The following CC2D2B variants were observed in gnomAD, a reference collection of about 807,000 sequenced individuals.
CC2D2B encodes the protein protein CC2D2B.
A neutral mutation model predicts 161.2 loss-of-function variants in CC2D2B; 128 were observed. The ratio of observed to expected loss-of-function variants is 0.79; its 90% CI spans 0.69 to 0.92. The LOEUF (loss-of-function observed/expected upper bound fraction) is 0.92, where lower values mean the gene tolerates loss of function less well. Ranked by LOEUF, CC2D2B falls within the 40% of genes least tolerant of loss-of-function variation. The pLI is 0.00. For synonymous variants in CC2D2B, 391 were observed against 449.8 expected, an observed-to-expected ratio of 0.87 and a Z score of 1.65; for missense variants, 1,173 against 1,375.1, an observed-to-expected ratio of 0.85 and a Z score of 2.32.
At chr10:95,988,799 T>C (rs2077834327) in intron 20 of CC2D2B, among the ~76,000 whole-genome samples, 1 of 152,136 alleles carries the variant, frequency 6.6e-6, no homozygotes, top group Admixed American at 6.5e-5. Context: ...TACAAAACAC[T>C]CTAGCAGAGT....
At chr10:95,945,777 CTTTT>C (rs34209550) in intron 9 of CC2D2B, among the ~76,000 whole-genome samples, 9,479 of 81,074 alleles carry the variant, frequency 0.12, 550 homozygotes, top group African/African-American at 0.26. Flanking sequence ...TAATGTTGGA[CTTTT>C]TTTTTTTTTT....
chr10:95,935,323 A>G (rs1234140345), intron 6 of CC2D2B, among the ~76,000 whole-genome samples: 1 of 152,126 alleles, frequency 6.6e-6, no homozygotes, highest in Non-Finnish European at 1.5e-5. Context: ...CCTTCAAAGT[A>G]TTCCCATATC....
At chr10:95,992,180 T>G (rs1194453037) in intron 21 of CC2D2B, among the ~76,000 whole-genome samples, 2 of 152,196 alleles carry the variant, frequency 1.3e-5, no homozygotes, top group Middle Eastern at 3.2e-3. Context: ...GGATAAAATG[T>G]TAATATTCGG....
At chr10:95,933,919 ATCT>A (rs2075709155) in intron 6 of CC2D2B, among the ~76,000 whole-genome samples, 1 of 152,184 alleles carries the variant, frequency 6.6e-6, no homozygotes, top group Non-Finnish European at 1.5e-5. Flanking sequence ...GTGCTGGAAG[ATCT>A]GCTGCTCTCT....
chr10:96,023,934 C>T (rs956430951), intron 32 of CC2D2B, among the ~76,000 whole-genome samples: 2 of 152,230 alleles, frequency 1.3e-5, no homozygotes, highest in African/African-American at 4.8e-5. Context: ...AACCTAGAGG[C>T]CTATCAAATG....
chr10:95,986,601 A>T (rs2077738344), intron 19 of CC2D2B, among the ~76,000 whole-genome samples: 1 of 151,968 alleles, frequency 6.6e-6, no homozygotes, highest in Non-Finnish European at 1.5e-5. Flanking sequence ...AACAAGATTA[A>T]TTAGTTTTTC....
At chr10:95,967,718 CT>C (rs2076988725) in intron 14 of CC2D2B, among the ~76,000 whole-genome samples, 1 of 152,072 alleles carries the variant, frequency 6.6e-6, no homozygotes, top group African/African-American at 2.4e-5. Flanking sequence ...GAAAGGGTAA[CT>C]TTTACTTAGA....
intron 18 of CC2D2B, 43 bp downstream of exon 18, chr10:95,982,156 C>A: frequency 8.6e-7 from 1 of 1,158,662 alleles, no homozygotes; most frequent in Non-Finnish European, 1.1e-6. Context: ...TATTCTATTT[C>A]CTAAGCTCTA....
chr10:96,007,154 T>C (rs1008601753), intron 25 of CC2D2B, among the ~76,000 whole-genome samples: 2 of 152,146 alleles, frequency 1.3e-5, no homozygotes, highest in Non-Finnish European at 2.9e-5. Context: ...ATTAGCTATT[T>C]TTCCTGATCC....
chr10:95,983,236 T>C (rs922008146), intron 18 of CC2D2B, among the ~76,000 whole-genome samples: 2 of 152,228 alleles, frequency 1.3e-5, no homozygotes, highest in African/African-American at 4.8e-5. Context: ...GCAAGTAAAC[T>C]CCCTAGATTA....
chr10:95,957,287 A>G (rs567675928), intron 11 of CC2D2B, among the ~76,000 whole-genome samples: 1 of 152,248 alleles, frequency 6.6e-6, no homozygotes, highest in African/African-American at 2.4e-5. Context: ...ACTTTTCCCC[A>G]TTGTTGCAAG....
chr10:95,972,996 G>A (rs1022375850), intron 16 of CC2D2B, among the ~76,000 whole-genome samples: 1 of 152,064 alleles, frequency 6.6e-6, no homozygotes, highest in South Asian at 2.1e-4. Flanking sequence ...CCTCTTATAC[G>A]GTTAAATGTA....
At chr10:95,911,178 A>T (rs11188519) in intron 1 of CC2D2B, 123 bp from the exon 2 acceptor site, 51,376 of 192,998 alleles carry the variant, frequency 0.27, 7,391 homozygotes, top group African/African-American at 0.39. Flanking sequence ...AGTAAAAGTG[A>T]TAGTATATCT....
chr10:95,938,262 C>A, intron 7 of CC2D2B, 73 bp downstream of exon 7: 2 of 962,572 alleles, frequency 2.1e-6, no homozygotes, highest in Non-Finnish European at 1.6e-6. Flanking sequence ...TTATTGTATG[C>A]TGGATAAATA....
intron 22 of CC2D2B, among the ~76,000 whole-genome samples, chr10:95,993,950 G>GTATTTT (rs1423889937): frequency 7.3e-5 from 1 of 13,726 alleles, no homozygotes; most frequent in Non-Finnish European, 1.4e-4. Flanking sequence ...GTGTATGTAT[G>GTATTTT]TGTATATATA....
rs905765862 is a variant in CC2D2B at position 95,982,045 on chromosome 10, G to C, written c.2014G>C (p.Glu672Gln). The change falls in exon 18 of 35, where the codon GAA becomes CAA. Residue 672 changes from glutamate (E) to glutamine (Q), a missense_variant. Coordinates refer to ENST00000646931, the MANE Select transcript of CC2D2B (RefSeq NM_001349008.3). ...GCTCATGAATGAACAGAAGCTTTTTGAATGGGCAAATGAAGTCAGAATTGA... is the reference window on the plus strand; with the variant it reads ...GCTCATGAATGAACAGAAGCTTTTTCAATGGGCAAATGAAGTCAGAATTGA... ...PWLMNEQKLF[E>Q]WANEVRIDPN... 3.2e-6 allele frequency: 4 copies of C among 1,230,918 alleles called. No individual in the cohort carries two copies. The African/African-American group carries it at 6.2e-5, about 19-fold the overall frequency. The allele number at this position is 1,230,918 out of a possible 1,614,324, so 76.2% of individuals were successfully genotyped here. A position where few individuals can be genotyped will look rare whatever the true frequency, so the allele number is the denominator to read the frequency against.
At chr10:96,011,695 C>A (rs942936019) in intron 26 of CC2D2B, among the ~76,000 whole-genome samples, 1 of 151,886 alleles carries the variant, frequency 6.6e-6, no homozygotes, top group Non-Finnish European at 1.5e-5. Flanking sequence ...CACAGGTGTG[C>A]ACCACCACTC....
At chr10:95,920,986 G>A (rs961174619) in intron 2 of CC2D2B, 3 of 152,610 alleles carry the variant, frequency 2.0e-5, no homozygotes, top group Non-Finnish European at 2.9e-5. Context: ...AGTTGGGGGA[G>A]GGGTGATGCA....
intron 2 of CC2D2B, 106 bp downstream of exon 2, chr10:95,911,465 C>A: frequency 5.0e-6 from 1 of 200,086 alleles, no homozygotes; most frequent in Non-Finnish European, 9.9e-6. Context: ...ATATACAAAT[C>A]ATAAATTCAT....
Sources: allele counts gnomAD v4.1 joint callset (sites outside exome capture counted in the v4.1 genomes callset), GRCh38; gene constraint gnomAD v4.1.1; transcripts MANE v1.5; gene names NCBI Gene and HGNC (gene_info 2026-07-23, HGNC 2026-07-21).